The following ZNF480 variants were observed in gnomAD, a reference collection of about 807,000 sequenced individuals.
The protein encoded by ZNF480 is zinc finger protein 480.
ZNF480 carries 15 observed loss-of-function variants against 14.4 expected under a neutral mutation model. That is an observed-to-expected ratio of 1.04 (90% CI 0.70 to 1.60). The LOEUF is 1.60. ZNF480 is among the 40% of genes most tolerant of loss of function. The pLI is 0.00. For synonymous variants in ZNF480, 218 were observed against 215.5 expected, an observed-to-expected ratio of 1.01 and a Z score of -0.10; for missense variants, 593 against 629.7, an observed-to-expected ratio of 0.94 and a Z score of 0.62.
Position 52,324,845 on chromosome 19 carries a change from GA to G in ZNF480, c.*1990del, listed in dbSNP as rs1367451710. 2.0e-5 allele frequency: 3 copies of G among 152,098 alleles called. No homozygotes were observed. Among genetic ancestry groups the G allele is most frequent in the Non-Finnish European group, 4.4e-5 (3 of 68,014 alleles). 9.4% of individuals were successfully genotyped at this position (152,098 alleles called of 1,614,324 possible). A position where few individuals can be genotyped will look rare whatever the true frequency, so the allele number is the denominator to read the frequency against. ...ATTAAATTCCTAGAAGAAAACCCAG[GA>G]AATGCCATTCTGGACATAAGTGCTG... On this transcript the variant is annotated 3_prime_UTR_variant, in exon 5 of 5. Transcript: ENST00000595962.
intron 1 of ZNF480, among the ~76,000 whole-genome samples, chr19:52,297,434 G>T (rs2122504251): frequency 6.6e-6 from 1 of 151,848 alleles, no homozygotes; most frequent in East Asian, 2.0e-4. Context: ...TTCTGCCACA[G>T]GGCCATGTAG....
At chr19:52,299,654 TAATC>T (rs1256704354) in intron 1 of ZNF480, among the ~76,000 whole-genome samples, 1 of 152,178 alleles carries the variant, frequency 6.6e-6, no homozygotes, top group East Asian at 1.9e-4. Flanking sequence ...CCTAGCAAAT[TAATC>T]AAAAGAAGGG....
At position 52,325,329 on chromosome 19, in the gene ZNF480, T is replaced by C. The variant is rs1984047179; in HGVS notation, c.*2471T>C. The C allele has an allele frequency of 6.6e-6, 1 of 152,168 alleles. No homozygotes were observed. The highest frequency in any genetic ancestry group is 1.5e-5 in the Non-Finnish European group (1 of 68,036). 9.4% of individuals were successfully genotyped at this position (152,168 alleles called of 1,614,324 possible). On this transcript the variant is annotated 3_prime_UTR_variant, in exon 5 of 5. Transcript: ENST00000595962. Reference sequence around the variant, plus strand: ...AATACTTATACACTGCTGGTGGGAATGTAAATTAATTCAGCCATTGTGGAA... The same window carrying C: ...AATACTTATACACTGCTGGTGGGAACGTAAATTAATTCAGCCATTGTGGAA...
At chr19:52,311,035 C>T (rs1983258197) in intron 2 of ZNF480, among the ~76,000 whole-genome samples, 2 of 146,412 alleles carry the variant, frequency 1.4e-5, no homozygotes. Context: ...AAGATGTATA[C>T]TGCTGAGATA....
At chr19:52,319,432 C>T (rs566080053) in intron 4 of ZNF480, among the ~76,000 whole-genome samples, 2 of 152,208 alleles carry the variant, frequency 1.3e-5, no homozygotes, top group African/African-American at 2.4e-5. Flanking sequence ...GCAAAGTTTC[C>T]GCTGGAGAAA....
In ZNF480 at chr19:52,324,813, T is replaced by C. The variant is rs752095334; in HGVS notation, c.*1955T>C. On this transcript the variant is annotated 3_prime_UTR_variant, in exon 5 of 5. Coordinates refer to ENST00000595962, the MANE Select transcript of ZNF480 (RefSeq NM_144684.4). ...GGATTAAAGACTTAAATATAAAACC[T>C]AAAAGTATTAAATTCCTAGAAGAAA... 5 of 152,050 alleles carry C rather than the reference T, an allele frequency of 3.3e-5. No homozygotes were observed. The highest frequency in any genetic ancestry group is 4.4e-5 in the Non-Finnish European group (3 of 67,986). The allele number at this position is 152,050 out of a possible 1,614,324, so 9.4% of individuals were successfully genotyped here. A position where few individuals can be genotyped will look rare whatever the true frequency, so the allele number is the denominator to read the frequency against.
chr19:52,311,727 G>A (rs1415930918), intron 2 of ZNF480, among the ~76,000 whole-genome samples: 4 of 151,966 alleles, frequency 2.6e-5, no homozygotes, highest in Admixed American at 6.6e-5. Flanking sequence ...AAACATTTGA[G>A]CCCCAGGAGT....
intron 2 of ZNF480, among the ~76,000 whole-genome samples, chr19:52,302,810 G>T (rs1361287541): frequency 3.9e-5 from 6 of 152,228 alleles, no homozygotes; most frequent in Admixed American, 2.0e-4. Flanking sequence ...TCCAGGTAAT[G>T]CTGTATCTAT....
intron 4 of ZNF480, among the ~76,000 whole-genome samples, chr19:52,319,069 A>G (rs1233367703): frequency 1.3e-5 from 2 of 151,918 alleles, no homozygotes; most frequent in Non-Finnish European, 2.9e-5. Flanking sequence ...TCACCACGTT[A>G]GTCAGTCTGG....
chr19:52,315,564 A>C (rs1288292019), intron 3 of ZNF480, among the ~76,000 whole-genome samples: 3 of 150,836 alleles, frequency 2.0e-5, no homozygotes, highest in African/African-American at 7.3e-5. Flanking sequence ...CAGGTGATCC[A>C]CCCGTCTCGG....
intron 2 of ZNF480, among the ~76,000 whole-genome samples, chr19:52,309,232 G>A (rs994483421): frequency 1.3e-5 from 2 of 152,196 alleles, no homozygotes; most frequent in Non-Finnish European, 2.9e-5. Flanking sequence ...GCTTGGTTCA[G>A]GGAAGATGCG....
chr19:52,308,190 G>A (rs756243821), intron 2 of ZNF480, among the ~76,000 whole-genome samples: 2 of 151,828 alleles, frequency 1.3e-5, no homozygotes, highest in African/African-American at 2.4e-5. Flanking sequence ...TGACTTCACC[G>A]TCACCTCTCT....
chr19:52,305,068 C>T (rs1346064106), intron 2 of ZNF480, among the ~76,000 whole-genome samples: 1 of 152,034 alleles, frequency 6.6e-6, no homozygotes, highest in African/African-American at 2.4e-5. Flanking sequence ...CACTGCACTC[C>T]AGCCTAGGGG....
At chr19:52,300,563 G>C in intron 2 of ZNF480, 79 bp downstream of exon 2, 1 of 1,595,202 alleles carries the variant, frequency 6.3e-7, no homozygotes. Context: ...AGTCTTCTCT[G>C]AGTCTGAAGT....
intron 2 of ZNF480, chr19:52,308,840 T>C (rs1983121207): frequency 9.5e-6 from 1 of 104,910 alleles, no homozygotes; most frequent in African/African-American, 3.1e-5. Context: ...CATATTCTTG[T>C]CCACGAATTA....
intron 1 of ZNF480, among the ~76,000 whole-genome samples, chr19:52,300,101 T>C (rs1352405224): frequency 6.6e-6 from 1 of 152,128 alleles, no homozygotes; most frequent in Non-Finnish European, 1.5e-5. Context: ...GTGCTCTGCA[T>C]GGGGTTTGGT....
At chr19:52,307,915 A>G (rs1983030977) in intron 2 of ZNF480, among the ~76,000 whole-genome samples, 1 of 152,220 alleles carries the variant, frequency 6.6e-6, no homozygotes, top group Admixed American at 6.5e-5. Flanking sequence ...AGCCATCATG[A>G]GCACATTTCA....
chr19:52,303,549 G>A (rs1012067255), intron 2 of ZNF480, among the ~76,000 whole-genome samples: 1 of 152,164 alleles, frequency 6.6e-6, no homozygotes, highest in Admixed American at 6.5e-5. Flanking sequence ...GGAAGAAAAA[G>A]CCATTCTACC....
chr19:52,303,823 T>C (rs947900855), intron 2 of ZNF480, among the ~76,000 whole-genome samples: 4 of 152,204 alleles, frequency 2.6e-5, no homozygotes, highest in African/African-American at 9.6e-5. Flanking sequence ...CCCTTAGTAA[T>C]TTTTGAAAGT....
Sources: gnomAD v4.1 joint callset for allele counts (sites outside exome capture counted in the v4.1 genomes callset) on GRCh38, gnomAD v4.1.1 for gene constraint, MANE v1.5 for transcripts, NCBI Gene and HGNC (gene_info 2026-07-23, HGNC 2026-07-21) for gene names.